SV2C: variants seen among roughly 807,000 people sequenced by gnomAD.
The protein encoded by SV2C is solute carrier family 22 member B3.
Under a neutral mutation model 79.7 loss-of-function variants are expected in SV2C, and 49 were observed. The ratio of observed to expected loss-of-function variants is 0.61; its 90% CI spans 0.49 to 0.78. The LOEUF (loss-of-function observed/expected upper bound fraction) is 0.78, where lower values mean the gene tolerates loss of function less well. SV2C is among the 30% of genes least tolerant of loss of function. SV2C has a pLI of 0.00. For synonymous variants in SV2C, 334 were observed against 333.2 expected, an observed-to-expected ratio of 1.00 and a Z score of -0.03; for missense variants, 833 against 912.9, an observed-to-expected ratio of 0.91 and a Z score of 1.13.
At chr5:76,229,474 T>C (rs1467245369) in intron 4 of SV2C, among the ~76,000 whole-genome samples, 1 of 152,342 alleles carries the variant, frequency 6.6e-6, no homozygotes, top group African/African-American at 2.4e-5. Context: ...GAGCAAGTCC[T>C]TCAGTGGGGT....
chr5:76,281,313 T>C, intron 4 of SV2C: 2 of 438,410 alleles, frequency 4.6e-6, no homozygotes, highest in Non-Finnish European at 8.9e-6. Flanking sequence ...GGAACGATTC[T>C]AGGACGGAAG....
the SV2C span, among the ~76,000 whole-genome samples, chr5:76,040,567 G>C: frequency 6.6e-6 from 1 of 152,186 alleles, no homozygotes; most frequent in Non-Finnish European, 1.5e-5. Flanking sequence ...GTGTAGGTTG[G>C]TATAAGGGAG....
chr5:76,259,439 AT>A (rs541953655), intron 4 of SV2C, among the ~76,000 whole-genome samples: 22 of 151,762 alleles, frequency 1.4e-4, no homozygotes, highest in African/African-American at 3.1e-4. Flanking sequence ...AATAATACTG[AT>A]TTTTTTTTAA....
chr5:75,890,628 GA>G, the SV2C span, among the ~76,000 whole-genome samples: 1 of 152,094 alleles, frequency 6.6e-6, no homozygotes, highest in East Asian at 1.9e-4. Flanking sequence ...GCATTTCTGT[GA>G]ATTGGGGGTT....
At chr5:75,969,789 C>G in the SV2C span, among the ~76,000 whole-genome samples, 14 of 152,042 alleles carry the variant, frequency 9.2e-5, no homozygotes, top group Non-Finnish European at 1.3e-4. Context: ...ACAAGGATAT[C>G]CAGGAATTGA....
chr5:75,936,174 G>A, the SV2C span, among the ~76,000 whole-genome samples: 2 of 152,164 alleles, frequency 1.3e-5, no homozygotes, highest in Admixed American at 6.5e-5. Flanking sequence ...CAAGGGAGTA[G>A]GGAAGTTCAA....
intron 1 of SV2C, among the ~76,000 whole-genome samples, chr5:76,113,388 T>G (rs899053018): frequency 6.6e-6 from 1 of 152,258 alleles, no homozygotes. Context: ...TACACCCTTC[T>G]GTGGAGCAGG....
chr5:76,351,108 C>T (rs568737715), intron 12 of SV2C, among the ~76,000 whole-genome samples: 3 of 152,180 alleles, frequency 2.0e-5, no homozygotes, highest in East Asian at 3.9e-4. Flanking sequence ...ATTGAATGGC[C>T]GGGGAAGGCA....
intron 1 of SV2C, among the ~76,000 whole-genome samples, chr5:76,088,454 T>G (rs955446483): frequency 2.0e-5 from 3 of 152,168 alleles, no homozygotes; most frequent in Non-Finnish European, 4.4e-5. Context: ...TCCCAGAAGA[T>G]TTGGTGTCTG....
chr5:76,244,419 G>T (rs1422447261), intron 4 of SV2C, among the ~76,000 whole-genome samples: 3 of 152,158 alleles, frequency 2.0e-5, no homozygotes, highest in Admixed American at 1.3e-4. Flanking sequence ...AATATAACAT[G>T]AGCCACAAAT....
chr5:76,078,580 C>T, upstream of SV2C: 2 of 346,026 alleles, frequency 5.8e-6, 1 homozygote, highest in South Asian at 5.9e-5. Context: ...CTCCCGCGGG[C>T]CACAGCCTGA....
intron 4 of SV2C, among the ~76,000 whole-genome samples, chr5:76,233,113 G>A (rs1477863395): frequency 1.4e-5 from 2 of 140,690 alleles, no homozygotes; most frequent in East Asian, 1.9e-4. Flanking sequence ...CTTTTATTTT[G>A]TTGAGCAGTG....
At chr5:76,025,619 G>A in the SV2C span, among the ~76,000 whole-genome samples, 2 of 152,106 alleles carry the variant, frequency 1.3e-5, no homozygotes, top group African/African-American at 4.8e-5. Context: ...TATGTATTGA[G>A]ATATTGAGCC....
chr5:76,171,927 G>T (rs1366008529), intron 2 of SV2C, among the ~76,000 whole-genome samples: 22 of 114,600 alleles, frequency 1.9e-4, no homozygotes, highest in East Asian at 1.1e-3. Flanking sequence ...CCCCGTCCGG[G>T]AGGGAGGTAG....
chr5:76,150,204 T>C (rs1277279534), intron 2 of SV2C, among the ~76,000 whole-genome samples: 1 of 127,362 alleles, frequency 7.9e-6, no homozygotes, highest in Non-Finnish European at 1.9e-5. Flanking sequence ...ATATCTTTTT[T>C]TTTTTTTTTT....
the SV2C span, among the ~76,000 whole-genome samples, chr5:76,043,383 A>G: frequency 2.0e-5 from 3 of 152,110 alleles, no homozygotes; most frequent in East Asian, 1.9e-4. Flanking sequence ...CTCACTCCTC[A>G]CTTGCTCTGG....
At chr5:75,961,451 A>G in the SV2C span, among the ~76,000 whole-genome samples, 3 of 152,034 alleles carry the variant, frequency 2.0e-5, no homozygotes, top group East Asian at 5.8e-4. Context: ...AGGTAAATGC[A>G]AAGTATAATT....
rs1290610267 is a variant in SV2C, at chr5:76,194,999, C to T, written c.661C>T (p.Leu221Phe). Residue 221 changes from leucine (L) to phenylalanine (F), a missense_variant, in exon 3 of 13, where the codon CTT becomes TTT. Transcript: ENST00000502798. ...AGACAAAGTGGGAAGGAAACAGTCT[C>T]TTCTGATTTGCATGTCTGTCAACGG... ...LADKVGRKQS[L>F]LICMSVNGFF... The T allele has an allele frequency of 1.9e-6, 3 of 1,614,048 alleles. No individual in the cohort carries two copies. Among genetic ancestry groups the T allele is most frequent in the South Asian group, 2.2e-5 (2 of 91,078 alleles).
the SV2C span, among the ~76,000 whole-genome samples, chr5:75,953,498 C>T: frequency 1.1e-4 from 17 of 152,122 alleles, no homozygotes; most frequent in East Asian, 1.7e-3. Flanking sequence ...CAGGATCCCA[C>T]AAATTTATAA....
Sources: gnomAD v4.1 joint callset for allele counts (sites outside exome capture counted in the v4.1 genomes callset) on GRCh38, gnomAD v4.1.1 for gene constraint, MANE v1.5 for transcripts, NCBI Gene and HGNC (gene_info 2026-07-23, HGNC 2026-07-21) for gene names.